The following FRAS1 variants were observed in gnomAD, a reference collection of about 807,000 sequenced individuals.
FRAS1 encodes the protein Fraser extracellular matrix complex subunit 1, also known as extracellular matrix organizing protein FRAS1.
A neutral mutation model predicts 435.2 loss-of-function variants in FRAS1; 290 were observed. That is an observed-to-expected ratio of 0.67 (90% CI 0.61 to 0.73). The LOEUF is 0.73. FRAS1 is among the 30% of genes least tolerant of loss of function. FRAS1 has a pLI of 0.00. For synonymous variants in FRAS1, 1,800 were observed against 1,851.0 expected, an observed-to-expected ratio of 0.97 and a Z score of 0.71; for missense variants, 4,860 against 5,001.5, an observed-to-expected ratio of 0.97 and a Z score of 0.85.
intron 2 of FRAS1, among the ~76,000 whole-genome samples, chr4:78,157,667 T>C (rs544600069): frequency 3.8e-4 from 58 of 152,326 alleles, no homozygotes; most frequent in African/African-American, 1.3e-3. Context: ...TTTGGTTGTT[T>C]TTTGCTTGTT....
intron 53 of FRAS1, 36 bp downstream of exon 53, chr4:78,473,633 C>A (rs761364508): frequency 5.9e-6 from 9 of 1,522,338 alleles, no homozygotes; most frequent in Non-Finnish European, 8.0e-6. Context: ...CTTGAGAAAT[C>A]AATCAGGCAA....
intron 2 of FRAS1, among the ~76,000 whole-genome samples, chr4:78,199,966 T>A (rs1285714252): frequency 1.3e-5 from 2 of 152,184 alleles, no homozygotes; most frequent in African/African-American, 4.8e-5. Context: ...GTACTTTATT[T>A]GGGATTATAG....
intron 64 of FRAS1, among the ~76,000 whole-genome samples, chr4:78,512,252 T>C (rs1232269347): frequency 6.6e-6 from 1 of 152,204 alleles, no homozygotes; most frequent in East Asian, 1.9e-4. Flanking sequence ...GTGTGTGCCT[T>C]TATGAACAAC....
At chr4:78,192,780 T>C (rs912227116) in intron 2 of FRAS1, among the ~76,000 whole-genome samples, 9 of 152,260 alleles carry the variant, frequency 5.9e-5, no homozygotes, top group African/African-American at 1.9e-4. Flanking sequence ...CCTTCAGTTC[T>C]GCTACGATCT....
At chr4:78,261,072 A>G (rs1192153334) in intron 6 of FRAS1, among the ~76,000 whole-genome samples, 1 of 151,400 alleles carries the variant, frequency 6.6e-6, no homozygotes, top group African/African-American at 2.4e-5. Context: ...TTTATAAATC[A>G]TGTTCTCTCT....
intron 69 of FRAS1, among the ~76,000 whole-genome samples, chr4:78,524,183 TCTCCAGAGTAGAAGGCACATATG>T (rs1721466474): frequency 6.6e-6 from 1 of 152,196 alleles, no homozygotes; most frequent in Admixed American, 6.5e-5. Context: ...ATTGTGAGCT[TCTCCAGAGTAGAAGGCACATATG>T]ATTCATCTTA....
chr4:78,476,567 T>C (rs1379283513), intron 54 of FRAS1, among the ~76,000 whole-genome samples: 1 of 152,236 alleles, frequency 6.6e-6, no homozygotes, highest in Non-Finnish European at 1.5e-5. Context: ...TCAGCTGGAC[T>C]AAGCTAATGT....
intron 42 of FRAS1, chr4:78,446,322 T>C: frequency 1.3e-5 from 13 of 1,022,102 alleles, no homozygotes; most frequent in Non-Finnish European, 1.5e-5. Flanking sequence ...ACCCACACTT[T>C]CAAATATAGT....
chr4:78,457,220 A>G (rs545199383), intron 47 of FRAS1, among the ~76,000 whole-genome samples: 1 of 152,294 alleles, frequency 6.6e-6, no homozygotes, highest in East Asian at 1.9e-4. Flanking sequence ...CTTTCCTCCC[A>G]CTGTGGAGTC....
intron 2 of FRAS1, among the ~76,000 whole-genome samples, chr4:78,216,265 AAT>A (rs1723764879): frequency 6.6e-6 from 1 of 152,354 alleles, no homozygotes; most frequent in Admixed American, 6.5e-5. Flanking sequence ...TTCTCTTGCA[AAT>A]ATCTGGCCCA....
At chr4:78,083,336 T>C (rs1427850310) in intron 2 of FRAS1, among the ~76,000 whole-genome samples, 4 of 152,176 alleles carry the variant, frequency 2.6e-5, no homozygotes, top group African/African-American at 9.7e-5. Context: ...TGTTTCCTTA[T>C]TCTCAAAAAC....
intron 2 of FRAS1, among the ~76,000 whole-genome samples, chr4:78,116,697 A>G (rs1489274377): frequency 6.6e-6 from 1 of 152,038 alleles, no homozygotes; most frequent in Admixed American, 6.6e-5. Flanking sequence ...ATCTTCCTCC[A>G]TCCCTTTATT....
At chr4:78,361,585 A>G (rs185926975) in intron 20 of FRAS1, among the ~76,000 whole-genome samples, 5 of 152,328 alleles carry the variant, frequency 3.3e-5, no homozygotes, top group Admixed American at 3.3e-4. Flanking sequence ...GGCACTGGAC[A>G]TGAAAGGGAG....
At chr4:78,104,614 G>C (rs1475299037) in intron 2 of FRAS1, among the ~76,000 whole-genome samples, 1 of 152,144 alleles carries the variant, frequency 6.6e-6, no homozygotes, top group Admixed American at 6.6e-5. Context: ...GAGAAAAGTA[G>C]GTATAAATTT....
chr4:78,324,523 A>G (rs1186397539), intron 18 of FRAS1, among the ~76,000 whole-genome samples: 2 of 152,106 alleles, frequency 1.3e-5, no homozygotes, highest in Non-Finnish European at 2.9e-5. Context: ...AGTCATCACA[A>G]CCAATAATTT....
chr4:78,251,340 C>T (rs1725520071), intron 4 of FRAS1, among the ~76,000 whole-genome samples: 2 of 152,200 alleles, frequency 1.3e-5, no homozygotes, highest in Admixed American at 6.5e-5. Context: ...TTCAGGAAAT[C>T]ATGCAATAGA....
At chr4:78,154,885 G>A (rs1720817190) in intron 2 of FRAS1, among the ~76,000 whole-genome samples, 1 of 152,184 alleles carries the variant, frequency 6.6e-6, no homozygotes, top group African/African-American at 2.4e-5. Flanking sequence ...AATTGATTTT[G>A]TCTCTGGACC....
intron 58 of FRAS1, among the ~76,000 whole-genome samples, chr4:78,487,603 A>G (rs13101600): frequency 0.73 from 110,791 of 152,050 alleles, 42,064 homozygotes; most frequent in East Asian, 1. Context: ...TGACCTCAGA[A>G]GGGCAAATGC....
intron 20 of FRAS1, among the ~76,000 whole-genome samples, chr4:78,355,770 T>C (rs1730828448): frequency 6.6e-6 from 1 of 152,180 alleles, no homozygotes; most frequent in Admixed American, 6.5e-5. Context: ...CAGTATCACC[T>C]GTGGGCAGGA....
Sources: gnomAD v4.1 joint callset for allele counts (sites outside exome capture counted in the v4.1 genomes callset) on GRCh38, gnomAD v4.1.1 for gene constraint, MANE v1.5 for transcripts, NCBI Gene and HGNC (gene_info 2026-07-23, HGNC 2026-07-21) for gene names.